FER1L6: variants seen among roughly 807,000 people sequenced by gnomAD.
FER1L6 encodes the protein fer-1-like protein 6.
In FER1L6, 177 loss-of-function variants were observed where a neutral mutation model predicts 219.2. The observed-to-expected ratio is 0.81, with a 90% CI of 0.71 to 0.91. The LOEUF (loss-of-function observed/expected upper bound fraction) is 0.91, where lower values mean the gene tolerates loss of function less well. FER1L6 is among the 40% of genes least tolerant of loss of function. The pLI is 0.00. For synonymous variants in FER1L6, 768 were observed against 824.3 expected, an observed-to-expected ratio of 0.93 and a Z score of 1.17; for missense variants, 2,153 against 2,259.9, an observed-to-expected ratio of 0.95 and a Z score of 0.96.
chr8:124,069,266 T>C, intron 28 of FER1L6, 94 bp from the exon 29 acceptor site: 1 of 943,412 alleles, frequency 1.1e-6, no homozygotes, highest in Non-Finnish European at 1.7e-6. Flanking sequence ...GGTCACAACA[T>C]AGGACATGTC....
chr8:124,035,305 C>A lies in FER1L6; in HGVS notation c.2315C>A (p.Ser772Tyr). 1 of 1,613,948 alleles carries A rather than the reference C, an allele frequency of 6.2e-7. No homozygotes were observed. The highest frequency in any genetic ancestry group is 1.1e-5 in the South Asian group (1 of 91,040). ...CCTGGGAAACGACCGGCTGGTTGGT[C>A]TGTGCAAGCAAAAGTCGACGTGTAC... ...KPPGKRPAGWSVQAKVDVYLW... is the reference protein window; with the variant it reads ...KPPGKRPAGWYVQAKVDVYLW... The change falls in exon 19 of 41, where the codon TCT becomes TAT. Residue 772 changes from serine (S) to tyrosine (Y), a missense_variant. Coordinates refer to ENST00000522917, the MANE Select transcript of FER1L6 (RefSeq NM_001039112.2).
At chr8:124,049,812 GCCT>G (rs1819922506) in intron 22 of FER1L6, 56 bp downstream of exon 22, 11 of 1,573,426 alleles carry the variant, frequency 7.0e-6, no homozygotes, top group Non-Finnish European at 9.6e-6. Context: ...CAGAGAAGTG[GCCT>G]CACCACAAAT....
At chr8:124,015,202 C>T (rs1027749558) in intron 15 of FER1L6, among the ~76,000 whole-genome samples, 15 of 152,060 alleles carry the variant, frequency 9.9e-5, no homozygotes, top group African/African-American at 2.9e-4. Flanking sequence ...TCACTCTTGA[C>T]GGTTCTGTTA....
intron 1 of FER1L6, among the ~76,000 whole-genome samples, chr8:123,922,705 G>A (rs1390257589): frequency 6.6e-6 from 1 of 152,154 alleles, no homozygotes; most frequent in Non-Finnish European, 1.5e-5. Flanking sequence ...GGACTCTTAA[G>A]GTTCACATTT....
intron 1 of FER1L6, among the ~76,000 whole-genome samples, chr8:123,898,725 ATATATAG>A (rs1812795358): frequency 6.9e-6 from 1 of 144,650 alleles, no homozygotes; most frequent in Non-Finnish European, 1.5e-5. Context: ...GTATATGTGT[ATATATAG>A]TATATATACA....
intron 12 of FER1L6, among the ~76,000 whole-genome samples, chr8:123,991,347 A>G (rs1349467275): frequency 6.6e-6 from 1 of 152,050 alleles, no homozygotes; most frequent in Non-Finnish European, 1.5e-5. Flanking sequence ...TGAGCATGAG[A>G]TGTGTTTCCA....
At chr8:123,899,165 C>T (rs1812815958) in intron 1 of FER1L6, among the ~76,000 whole-genome samples, 1 of 151,946 alleles carries the variant, frequency 6.6e-6, no homozygotes, top group Non-Finnish European at 1.5e-5. Flanking sequence ...ATGCCAACAT[C>T]TACTGTTTTT....
At chr8:123,999,991 C>T (rs1013362352) in intron 12 of FER1L6, among the ~76,000 whole-genome samples, 1 of 152,164 alleles carries the variant, frequency 6.6e-6, no homozygotes, top group African/African-American at 2.4e-5. Flanking sequence ...CCTAGACTAC[C>T]TTTCAAGTTT....
At chr8:124,037,891 TA>T (rs1819289842) in intron 19 of FER1L6, among the ~76,000 whole-genome samples, 2 of 152,018 alleles carry the variant, frequency 1.3e-5, no homozygotes, top group African/African-American at 2.4e-5. Context: ...CACCAGTGCC[TA>T]AACTCTGGTC....
chr8:123,909,466 G>T (rs1205185385), intron 1 of FER1L6, among the ~76,000 whole-genome samples: 1 of 152,106 alleles, frequency 6.6e-6, no homozygotes, highest in Non-Finnish European at 1.5e-5. Context: ...GTTGTTGAGT[G>T]GGGGCAGAGG....
At chr8:124,033,297 C>T (rs924647396) in intron 18 of FER1L6, among the ~76,000 whole-genome samples, 4 of 152,108 alleles carry the variant, frequency 2.6e-5, no homozygotes, top group Non-Finnish European at 5.9e-5. Context: ...CTACAAATGG[C>T]AGAGGGATTG....
chr8:124,106,293 CACTCCAGCCTGGGCGACAGAGT>C, intron 39 of FER1L6, among the ~76,000 whole-genome samples: 1 of 126,432 alleles, frequency 7.9e-6, no homozygotes, highest in African/African-American at 2.9e-5. Flanking sequence ...CGTGCCACTG[CACTCCAGCCTGGGCGACAGAGT>C]GAGACTCTGT....
At chr8:123,998,485 C>T (rs151215558) in intron 12 of FER1L6, among the ~76,000 whole-genome samples, 90 of 150,404 alleles carry the variant, frequency 6.0e-4, no homozygotes, top group African/African-American at 2.0e-3. Flanking sequence ...GCTACCACCA[C>T]TGGGACTGGG....
intron 6 of FER1L6, among the ~76,000 whole-genome samples, chr8:123,971,735 G>GAT (rs1815825624): frequency 1.3e-5 from 2 of 152,328 alleles, no homozygotes; most frequent in African/African-American, 4.8e-5. Context: ...TACGACATGG[G>GAT]ATAAGAAGTG....
chr8:123,941,137 T>G (rs138073518), intron 1 of FER1L6, among the ~76,000 whole-genome samples: 1 of 152,298 alleles, frequency 6.6e-6, no homozygotes, highest in Non-Finnish European at 1.5e-5. Context: ...CAAGCCCTAA[T>G]GAAACTTTTT....
At chr8:123,961,687 C>A (rs1285291932) in intron 2 of FER1L6, among the ~76,000 whole-genome samples, 1 of 152,100 alleles carries the variant, frequency 6.6e-6, no homozygotes, top group African/African-American at 2.4e-5. Flanking sequence ...GGTCTTGATG[C>A]ATGTGTACTG....
intron 12 of FER1L6, among the ~76,000 whole-genome samples, chr8:123,999,423 A>G (rs1817305265): frequency 6.6e-6 from 1 of 152,216 alleles, no homozygotes; most frequent in Non-Finnish European, 1.5e-5. Flanking sequence ...AGCCAGGTGG[A>G]TCACTTGAGG....
At chr8:123,976,826 C>T (rs751222722) in intron 9 of FER1L6, among the ~76,000 whole-genome samples, 5 of 152,164 alleles carry the variant, frequency 3.3e-5, no homozygotes, top group Admixed American at 6.5e-5. Context: ...GCCTGGACAT[C>T]GCTTTTCCCT....
In FER1L6 at chr8:124,103,219, T is replaced by G. The variant is rs770822994; in HGVS notation, c.5199T>G (p.Phe1733Leu). Residue 1733 changes from phenylalanine to leucine, a missense_variant, in exon 39 of 41, where the codon TTT becomes TTG. By Grantham distance (22) the Phe-to-Leu change is conservative. Transcript: ENST00000522917. ...KSAKACDLAK[F>L]ENASEETKIS... The stretch of plus-strand genomic sequence containing the variant: ...CCAAAGCCTGTGATCTTGCCAAGTT[T>G]GAAAATGCAAGTGAGGAGACCAAGA... 3 of 1,613,988 alleles carry G rather than the reference T, an allele frequency of 1.9e-6. No homozygotes were observed. The highest frequency in any genetic ancestry group is 1.7e-5 in the Admixed American group (1 of 59,998).
Sources: allele counts gnomAD v4.1 joint callset (sites outside exome capture counted in the v4.1 genomes callset), GRCh38; gene constraint gnomAD v4.1.1; transcripts MANE v1.5; gene names NCBI Gene and HGNC (gene_info 2026-07-23, HGNC 2026-07-21).